UBAP2: variants seen among roughly 807,000 people sequenced by gnomAD.
The protein encoded by UBAP2 is ubiquitin associated protein 2.
A neutral mutation model predicts 139.6 loss-of-function variants in UBAP2; 75 were observed. The ratio of observed to expected loss-of-function variants is 0.54; its 90% CI spans 0.45 to 0.65. The LOEUF (loss-of-function observed/expected upper bound fraction) is 0.65. UBAP2 is among the 30% of genes least tolerant of loss of function. The probability of loss-of-function intolerance (pLI) is 0.00; values close to 1 mark genes in which losing one functional copy is unlikely to be tolerated. For synonymous variants in UBAP2, 526 were observed against 526.2 expected (o/e 1.00, Z 0.01); for missense variants, 1,368 against 1,369.6 (o/e 1.00, Z 0.02).
At chr9:33,937,299 G>A (rs1824639263) in intron 16 of UBAP2, among the ~76,000 whole-genome samples, 1 of 152,036 alleles carries the variant, frequency 6.6e-6, no homozygotes, top group Non-Finnish European at 1.5e-5. Flanking sequence ...CTAGCATGTA[G>A]TTGAGAATAC....
intron 1 of UBAP2, among the ~76,000 whole-genome samples, chr9:34,038,362 C>G (rs1028474839): frequency 6.6e-6 from 1 of 152,198 alleles, no homozygotes; most frequent in African/African-American, 2.4e-5. Flanking sequence ...GCCGCCATCT[C>G]GGCTCACTGC....
chr9:33,999,772 C>G (rs975510009), intron 2 of UBAP2, among the ~76,000 whole-genome samples: 1 of 145,276 alleles, frequency 6.9e-6, no homozygotes, highest in South Asian at 2.1e-4. Flanking sequence ...AGTGCAGTGC[C>G]GTGATCTTGA....
intron 19 of UBAP2, among the ~76,000 whole-genome samples, chr9:33,931,334 T>A (rs1823962604): frequency 6.6e-6 from 1 of 152,224 alleles, no homozygotes; most frequent in Non-Finnish European, 1.5e-5. Flanking sequence ...CACAGTTCTG[T>A]CATGCTGACA....
At chr9:33,948,609 A>G (rs1407294823) in intron 12 of UBAP2, 22 bp from the exon 13 acceptor site, 1 of 1,605,470 alleles carries the variant, frequency 6.2e-7, no homozygotes, top group Non-Finnish European at 8.5e-7. Flanking sequence ...GGATAAAAGA[A>G]CAAATCCTCA....
At chr9:34,018,464 T>A (rs1189509592) in intron 1 of UBAP2, among the ~76,000 whole-genome samples, 3 of 150,862 alleles carry the variant, frequency 2.0e-5, no homozygotes, top group African/African-American at 7.3e-5. Flanking sequence ...AAAAAAAAAA[T>A]CAAAAACTAA....
At chr9:33,984,595 T>A (rs1296233033) in intron 6 of UBAP2, among the ~76,000 whole-genome samples, 1 of 151,986 alleles carries the variant, frequency 6.6e-6, no homozygotes, top group African/African-American at 2.4e-5. Context: ...GAAGTATCAC[T>A]TGAGCCCAGG....
intron 1 of UBAP2, among the ~76,000 whole-genome samples, chr9:34,040,073 C>G (rs1291471459): frequency 2.0e-5 from 3 of 151,578 alleles, no homozygotes; most frequent in African/African-American, 7.3e-5. Context: ...GCAGGAGAAT[C>G]ACTTGAACCC....
chr9:33,929,846 A>T (rs973143565), intron 19 of UBAP2, among the ~76,000 whole-genome samples: 10 of 152,108 alleles, frequency 6.6e-5, no homozygotes, highest in African/African-American at 1.9e-4. Flanking sequence ...TATTAAAATA[A>T]TAAAAATATT....
chr9:34,030,804 C>T (rs536875748), intron 1 of UBAP2, among the ~76,000 whole-genome samples: 151 of 151,950 alleles, frequency 9.9e-4, no homozygotes, highest in Non-Finnish European at 5.0e-4. Context: ...GTGGCAGGCG[C>T]CTGTAGTCCC....
chr9:33,948,421 CAAG>C lies in UBAP2; in HGVS notation c.1220_1222del (p.Ser407del), dbSNP rs1181610274. On this transcript the variant is annotated inframe_deletion, in exon 13 of 29. Transcript: ENST00000379238. ...CTGGGATGTTGGGGGCTTGAGGTCC[CAAG>C]AAGTAGTAGTTGTAGGGTGACTTGT... 1.9e-6 allele frequency: 3 copies of C among 1,613,742 alleles called. No homozygotes were observed. The highest frequency in any genetic ancestry group is 1.7e-5 in the Admixed American group (1 of 59,994).
intron 15 of UBAP2, 22 bp from the exon 16 acceptor site, chr9:33,941,884 C>A: frequency 9.2e-6 from 14 of 1,517,346 alleles, no homozygotes; most frequent in South Asian, 1.2e-5. Context: ...CAAAAATATT[C>A]AACATAATTT....
In UBAP2 at chr9:34,039,010, A is replaced by C. The variant is rs376019970; in HGVS notation, c.-42+9815T>G. 5.9e-3 allele frequency among the ~76,000 whole-genome samples: 662 copies of C among 112,204 alleles called. 3 individuals carry two copies. The highest frequency in any genetic ancestry group is 9.0e-3 in the Non-Finnish European group (494 of 55,170). 73.6% of individuals were successfully genotyped at this position (112,204 alleles called of 152,430 possible). Reference sequence around the variant, plus strand: ...GTTGAGGAGCGTCTCTGCCCGGCCGACCCGTCTGAGAAGTGAGGAGCCCCT... The same window carrying C: ...GTTGAGGAGCGTCTCTGCCCGGCCGCCCCGTCTGAGAAGTGAGGAGCCCCT... On this transcript the variant is annotated intron_variant, in intron 1 of 28. Transcript: ENST00000379238.
At chr9:34,017,761 C>G (rs182254923) in intron 1 of UBAP2, among the ~76,000 whole-genome samples, 22 of 152,144 alleles carry the variant, frequency 1.4e-4, no homozygotes, top group Admixed American at 1.4e-3. Flanking sequence ...CCCGTCTCTA[C>G]TAAAAATACA....
intron 8 of UBAP2, among the ~76,000 whole-genome samples, chr9:33,966,610 A>G (rs912615790): frequency 4.6e-5 from 7 of 152,188 alleles, no homozygotes; most frequent in Non-Finnish European, 8.8e-5. Context: ...GTTCCCTTTT[A>G]TGAGGGTCTT....
Position 33,956,108 on chromosome 9 carries a change from T to C in UBAP2, c.837A>G (p.Pro279=). The C allele has an allele frequency of 6.2e-7, 1 of 1,613,742 alleles. No individual in the cohort carries two copies. Among genetic ancestry groups the C allele is most frequent in the East Asian group, 2.2e-5 (1 of 44,858 alleles). Residue 279 remains proline, a synonymous_variant, in exon 11 of 29, where the codon CCA becomes CCG. Coordinates refer to ENST00000379238, the MANE Select transcript of UBAP2 (RefSeq NM_001370062.2). ...ETKVFTASSA[P]AENHILPGQS... ...GCCCAGGTAAGATGTGATTCTCTGC[T>C]GGAGCAGATGAGGCAGTGAAGACCT...
chr9:33,946,358 A>C (rs1484571672), intron 13 of UBAP2, among the ~76,000 whole-genome samples: 1 of 152,186 alleles, frequency 6.6e-6, no homozygotes, highest in Non-Finnish European at 1.5e-5. Flanking sequence ...AACAACAAAA[A>C]AATTCTCCTG....
chr9:34,041,047 T>G (rs1481373225), intron 1 of UBAP2, among the ~76,000 whole-genome samples: 3 of 152,150 alleles, frequency 2.0e-5, no homozygotes, highest in Admixed American at 2.0e-4. Context: ...AATGTCCACA[T>G]GAGGACAAGT....
At chr9:33,926,907 G>A (rs1293529045) in intron 21 of UBAP2, 82 bp downstream of exon 21, 3 of 1,408,586 alleles carry the variant, frequency 2.1e-6, no homozygotes, top group Non-Finnish European at 3.0e-6. Flanking sequence ...GGGCAACCTG[G>A]GCCCAACGCC....
chr9:33,984,242 C>T (rs537362685), intron 6 of UBAP2, among the ~76,000 whole-genome samples: 1 of 152,202 alleles, frequency 6.6e-6, no homozygotes, highest in East Asian at 1.9e-4. Flanking sequence ...TCCAATTTAG[C>T]CTCAGCATTA....
Sources: gnomAD v4.1 joint callset for allele counts (sites outside exome capture counted in the v4.1 genomes callset) on GRCh38, gnomAD v4.1.1 for gene constraint, MANE v1.5 for transcripts, NCBI Gene and HGNC (gene_info 2026-07-23, HGNC 2026-07-21) for gene names.